MMP14: variants seen among roughly 807,000 people sequenced by gnomAD.
MMP14 encodes matrix metalloproteinase-14.
Under a neutral mutation model 64.8 loss-of-function variants are expected in MMP14, and 13 were observed. That is an observed-to-expected ratio of 0.20 (90% CI 0.13 to 0.32). The LOEUF is 0.32. Among genes scored for constraint, MMP14 ranks in the 10% least tolerant of loss-of-function variants. The pLI, the probability that MMP14 is intolerant of heterozygous loss-of-function variation, is 1.00. For missense variants in MMP14, 594 were observed against 783.8 expected (o/e 0.76, Z 2.89); for synonymous variants, 322 against 315.9 (o/e 1.02, Z -0.20).
chr14:22,844,587 G>A (rs2039798505), intron 7 of MMP14, 43 bp from the exon 8 acceptor site: 1 of 1,613,692 alleles, frequency 6.2e-7, no homozygotes, highest in East Asian at 2.2e-5. Flanking sequence ...AAAGTCCCTA[G>A]AGCCTAAGTT....
chr14:22,837,502 C>A, intron 1 of MMP14: 1 of 427,558 alleles, frequency 2.3e-6, no homozygotes, highest in Non-Finnish European at 4.7e-6. Context: ...GAGAGGACCC[C>A]GCTGTGTCCC....
In MMP14 at chr14:22,842,533, T is replaced by C. The variant is rs1441968614; in HGVS notation, c.504T>C (p.Arg168=). ...RFREVPYAYI[R]EGHEKQADIM... The stretch of plus-strand genomic sequence containing the variant: ...GCGAGGTGCCCTATGCCTACATCCG[T>C]GAGGGCCATGAGAAGCAGGCCGACA... The change falls in exon 4 of 10, where the codon CGT becomes CGC. Residue 168 remains arginine, a synonymous_variant. Transcript: ENST00000311852. The surrounding 1 kb of genome is among the most constrained non-coding windows in gnomAD (Gnocchi z 5.3). 6.2e-7 allele frequency: 1 copy of C among 1,613,934 alleles called. No homozygotes were observed. Among genetic ancestry groups the C allele is most frequent in the Non-Finnish European group, 8.5e-7 (1 of 1,179,992 alleles).
At chr14:22,837,329 G>A in intron 1 of MMP14, 1 of 461,968 alleles carries the variant, frequency 2.2e-6, no homozygotes, top group Non-Finnish European at 4.3e-6. Flanking sequence ...AGAGTTTGTT[G>A]TTTCTTCGAC....
In MMP14 at chr14:22,841,565, C is replaced by G. The variant is rs372396779; in HGVS notation, c.183C>G (p.Leu61=). 97 of 1,614,074 alleles carry G rather than the reference C, an allele frequency of 6.0e-5. No homozygotes were observed. In the Middle Eastern group the frequency reaches 8.2e-4, roughly 14 times the overall value. Residue 61 remains leucine, a synonymous_variant, in exon 2 of 10, where the codon CTC becomes CTG. Transcript: ENST00000311852. ...ACACACAGCGCTCACCCCAGTCACT[C>G]TCAGCGGCCATCGCTGCCATGCAGA... The part of the protein sequence containing the change: ...RTHTQRSPQS[L]SAAIAAMQKF...
chr14:22,844,953 G>C (rs1239231558), intron 8 of MMP14, among the ~76,000 whole-genome samples, 173 bp downstream of exon 8: 1 of 152,174 alleles, frequency 6.6e-6, no homozygotes, highest in East Asian at 1.9e-4. Flanking sequence ...CACCGTGTGA[G>C]TGGGATGTGA....
Position 22,845,260 on chromosome 14 carries a change from T to C in MMP14, c.1311T>C (p.Arg437=), listed in dbSNP as rs2039803987. 1 of 1,613,556 alleles carries C rather than the reference T, an allele frequency of 6.2e-7. No individual in the cohort carries two copies. The change falls in exon 9 of 10, where the codon CGT becomes CGC. Residue 437 remains arginine, a synonymous_variant. Transcript: ENST00000311852. ...TYFFRGNKYY[R]FNEELRAVDS... is the part of the protein sequence containing the mutation. ...CTTTCCCCTTCCCCAGGTACTACCG[T>C]TTCAACGAAGAGCTCAGGGCAGTGG...
chr14:22,845,914 G>T lies in MMP14; in HGVS notation c.1624G>T (p.Val542Leu). Reference protein sequence around the residue: ...EGGGAVSAAAVVLPVLLLLLV... With the variant: ...EGGGAVSAAALVLPVLLLLLV... ...CGGCGGGGCGGTGAGCGCGGCTGCC[G>T]TGGTGCTGCCCGTGCTGCTGCTGCT... is the stretch of plus-strand genomic sequence containing the variant. Residue 542 changes from valine to leucine, a missense_variant, in exon 10 of 10, where the codon GTG becomes TTG. Val to Leu is a conservative substitution (Grantham distance 32). Around this residue, in one of 4 missense-constraint regions of MMP14, gnomAD observed 364 missense variants for 425.2 expected, o/e 0.86. Transcript: ENST00000311852. 6.2e-7 allele frequency: 1 copy of T among 1,608,956 alleles called. No individual in the cohort carries two copies. Among genetic ancestry groups the T allele is most frequent in the Non-Finnish European group, 8.5e-7 (1 of 1,177,562 alleles).
rs542902235 is a variant in MMP14 at position 22,844,673 on chromosome 14, C to T, written c.1194C>T (p.Gly398=). 11 of 1,614,142 alleles carry T rather than the reference C, an allele frequency of 6.8e-6. No individual in the cohort carries two copies. The South Asian group carries it at 1.1e-4, about 16-fold the overall frequency. Residue 398 remains glycine (G), a synonymous_variant, in exon 8 of 10, where the codon GGC becomes GGT. Coordinates refer to ENST00000311852, the MANE Select transcript of MMP14 (RefSeq NM_004995.4). The part of the protein sequence containing the change: ...WVFDEASLEP[G]YPKHIKELGR... ...TTGATGAGGCGTCCCTGGAACCTGG[C>T]TACCCCAAGCACATTAAGGAGCTGG...
Position 22,836,837 on chromosome 14 carries a change from C to T in MMP14, c.20C>T (p.Pro7Leu), listed in dbSNP as rs1301121246. 3 of 1,612,268 alleles carry T rather than the reference C, an allele frequency of 1.9e-6. No individual in the cohort carries two copies. Among genetic ancestry groups the T allele is most frequent in the South Asian group, 2.2e-5 (2 of 90,820 alleles). The change falls in exon 1 of 10, where the codon CCC becomes CTC. Residue 7 changes from proline (P) to leucine (L), a missense_variant. Pro to Leu is a moderately conservative substitution (Grantham distance 98). Transcript: ENST00000311852. MSPAPR[P>L]PRCLLLPLLT... ...CGGACCATGTCTCCCGCCCCAAGAC[C>T]CCCCCGTTGTCTCCTGCTCCCCCTG...
chr14:22,839,606 C>G (rs1299526468), intron 1 of MMP14, among the ~76,000 whole-genome samples: 2 of 152,186 alleles, frequency 1.3e-5, no homozygotes, highest in African/African-American at 4.8e-5. Context: ...GGGGGGGGAT[C>G]ACTTCCCAGA....
At position 22,845,261 on chromosome 14, in the gene MMP14, T is replaced by C; in HGVS notation, c.1312T>C (p.Phe438Leu). The stretch of plus-strand genomic sequence containing the variant: ...TTTCCCCTTCCCCAGGTACTACCGT[T>C]TCAACGAAGAGCTCAGGGCAGTGGA... Reference protein sequence around the residue: ...YFFRGNKYYRFNEELRAVDSE... With the variant: ...YFFRGNKYYRLNEELRAVDSE... Residue 438 changes from phenylalanine to leucine, a missense_variant, in exon 9 of 10, where the codon TTC (phenylalanine) becomes CTC (leucine). Physicochemically the swap from Phe to Leu is conservative, Grantham distance 22. Around this residue, in one of 4 missense-constraint regions of MMP14, gnomAD observed 364 missense variants for 425.2 expected, o/e 0.86. Transcript: ENST00000311852. 1.2e-6 allele frequency: 2 copies of C among 1,613,724 alleles called. No homozygotes were observed. The highest frequency in any genetic ancestry group is 1.7e-6 in the Non-Finnish European group (2 of 1,179,766).
At position 22,842,612 on chromosome 14, in the gene MMP14, G is replaced by A. The variant is rs2039781393; in HGVS notation, c.583G>A (p.Glu195Lys). The change falls in exon 4 of 10, where the codon GAG (glutamate) becomes AAG (lysine). Residue 195 changes from glutamate to lysine, a missense_variant. Transcript: ENST00000311852. This position sits in a 1 kb window ranked among gnomAD's most constrained non-coding sequence, Gnocchi z 5.3. Reference protein sequence around the residue: ...FHGDSTPFDGEGGFLAHAYFP... With the variant: ...FHGDSTPFDGKGGFLAHAYFP... Reference sequence around the variant, plus strand: ...TGGCGACAGCACGCCCTTCGATGGTGAGGGCGGCTTCCTGGCCCATGCCTA... The same window carrying A: ...TGGCGACAGCACGCCCTTCGATGGTAAGGGCGGCTTCCTGGCCCATGCCTA... The A allele has an allele frequency of 6.2e-7, 1 of 1,614,080 alleles. No homozygotes were observed. Among genetic ancestry groups the A allele is most frequent in the Non-Finnish European group, 8.5e-7 (1 of 1,180,040 alleles).
At chr14:22,845,616 C>A in intron 9 of MMP14, 92 bp from the exon 10 acceptor site, 1 of 1,312,460 alleles carries the variant, frequency 7.6e-7, no homozygotes, top group Non-Finnish European at 1.1e-6. Context: ...GGAAGCTCAG[C>A]TGCCCTCACA....
At position 22,844,778 on chromosome 14, in the gene MMP14, CAAGT is replaced by C; in HGVS notation, c.1301+2_1301+5del. On this transcript the variant is annotated splice_donor_variant and coding_sequence_variant, in exon 8 of 10. Coordinates refer to ENST00000311852, the MANE Select transcript of MMP14 (RefSeq NM_004995.4). LOFTEE classifies it high-confidence loss of function. ...GAAAGACCTACTTCTTCCGTGGAAA[CAAGT>C]AAGACCTCAACCCCTTAACCCCAGG... 6.2e-7 allele frequency: 1 copy of C among 1,614,080 alleles called. No homozygotes were observed.
In MMP14 at chr14:22,842,245, C is replaced by A; in HGVS notation, c.381-165C>A. Reference sequence around the variant, plus strand: ...GCCAGAGAGCCAGAGCCTGAGGATCCCTTGTTCTTGAGACAGAGGCGTTGC... The same window carrying A: ...GCCAGAGAGCCAGAGCCTGAGGATCACTTGTTCTTGAGACAGAGGCGTTGC... On this transcript the variant is annotated intron_variant, in intron 3 of 9. Transcript: ENST00000311852. The surrounding 1 kb of genome is among the most constrained non-coding windows in gnomAD (Gnocchi z 5.3). The A allele has an allele frequency of 9.8e-7, 1 of 1,017,198 alleles. No individual in the cohort carries two copies. The highest frequency in any genetic ancestry group is 1.4e-6 in the Non-Finnish European group (1 of 700,980). The allele number at this position is 1,017,198 out of a possible 1,614,324, so 63.0% of individuals were successfully genotyped here.
Position 22,845,428 on chromosome 14 carries a change from C to T in MMP14, c.1417+62C>T, listed in dbSNP as rs949488611. The stretch of plus-strand genomic sequence containing the variant: ...ATGGGAATAGGGAGTTGAGGAAGAG[C>T]GGGAGGGAAGCCTGAGGGAGTGCTG... On this transcript the variant is annotated intron_variant, in intron 9 of 9. Coordinates refer to ENST00000311852, the MANE Select transcript of MMP14 (RefSeq NM_004995.4). The T allele has an allele frequency of 3.2e-5, 40 of 1,267,258 alleles. No individual in the cohort carries two copies. The Middle Eastern group carries it at 5.7e-4, about 18-fold the overall frequency. 78.5% of individuals were successfully genotyped at this position (1,267,258 alleles called of 1,614,324 possible).
intron 2 of MMP14, 115 bp downstream of exon 2, chr14:22,841,754 C>T: frequency 2.6e-6 from 4 of 1,547,400 alleles, no homozygotes; most frequent in Non-Finnish European, 2.6e-6. Flanking sequence ...TATCTCATCC[C>T]CACGTGCTGA....
rs17882342 is a variant in MMP14, at chr14:22,846,698, AG to A, written c.*661del. On this transcript the variant is annotated 3_prime_UTR_variant, in exon 10 of 10. Transcript: ENST00000311852. ...CCTCACCTACCCCAGGGAACTTCCA[AG>A]GAAGGAGCCTGAGCCACTGGGGACT... The A allele has an allele frequency of 0.075, 11,457 of 152,784 alleles. 579 individuals are homozygous for A. The highest frequency in any genetic ancestry group is 0.11 in the Non-Finnish European group (7,453 of 68,062). The allele number at this position is 152,784 out of a possible 1,614,324, so 9.5% of individuals were successfully genotyped here.
Position 22,843,993 on chromosome 14 carries a change from C to T in MMP14, c.1011+123C>T, listed in dbSNP as rs1000465730. 2.8e-5 allele frequency: 35 copies of T among 1,244,676 alleles called. No homozygotes were observed. The African/African-American group carries it at 3.2e-4, about 11-fold the overall frequency. 77.1% of individuals were successfully genotyped at this position (1,244,676 alleles called of 1,614,324 possible). ...GGTGGATCACCTGAGGTCTGGAGTT[C>T]GAGAGCAGGCTGGCCAACATAGTGA... On this transcript the variant is annotated intron_variant, in intron 6 of 9. Transcript: ENST00000311852. The surrounding 1 kb of genome is among the most constrained non-coding windows in gnomAD (Gnocchi z 4.8).
Sources: allele counts gnomAD v4.1 joint callset (sites outside exome capture counted in the v4.1 genomes callset), GRCh38; gene constraint gnomAD v4.1.1; regional missense constraint gnomAD v4.1.1; non-coding constraint Gnocchi (gnomAD v3.1); transcripts MANE v1.5; gene names NCBI Gene and HGNC (gene_info 2026-07-23, HGNC 2026-07-21).